HOXB3: variants seen among roughly 807,000 people sequenced by gnomAD.
HOXB3 encodes the protein homeobox B3.
Under a neutral mutation model 29.2 loss-of-function variants are expected in HOXB3, and 17 were observed. The ratio of observed to expected loss-of-function variants is 0.58; its 90% CI spans 0.40 to 0.87. The LOEUF (loss-of-function observed/expected upper bound fraction) is 0.87, where lower values mean the gene tolerates loss of function less well. Ranked by LOEUF, HOXB3 falls within the 40% of genes least tolerant of loss-of-function variation. HOXB3 has a pLI of 0.00. For missense variants in HOXB3, 637 were observed against 616.3 expected, an observed-to-expected ratio of 1.03 and a Z score of -0.35; for synonymous variants, 317 against 285.9, an observed-to-expected ratio of 1.11 and a Z score of -1.10.
At chr17:48,576,650 T>TGCCCCCCCCCCCA in intron 1 of HOXB3, 28 of 567,760 alleles carry the variant, frequency 4.9e-5, no homozygotes, top group Middle Eastern at 6.4e-4. Context: ...CCCCCTCCTG[T>TGCCCCCCCCCCCA]CCCCCCACCC....
rs768231737 is a variant in HOXB3, at chr17:48,552,052, C to T, written c.423G>A (p.Lys141=). The T allele has an allele frequency of 6.3e-6, 10 of 1,588,478 alleles. No individual in the cohort carries two copies. The highest frequency in any genetic ancestry group is 1.3e-5 in the African/African-American group (1 of 74,428). The change falls in exon 4 of 5, where the codon AAG becomes AAA. Residue 141 remains lysine, a synonymous_variant. Transcript: ENST00000498678. ...PWMKESRQTS[K]LKNNSPGTAE... is the part of the protein sequence containing the mutation. ...CTGTGCCGGGGGAGTTGTTTTTCAG[C>T]TTGGACGTTTGCCTCGACTCTTTCA...
intron 1 of HOXB3, among the ~76,000 whole-genome samples, chr17:48,585,619 G>C (rs1339327176): frequency 1.3e-5 from 2 of 152,146 alleles, no homozygotes; most frequent in Non-Finnish European, 2.9e-5. Context: ...GTGCGCTTTC[G>C]GTTTCCCTTC....
chr17:48,580,215 C>G (rs1359924027), intron 1 of HOXB3: 1 of 265,068 alleles, frequency 3.8e-6, no homozygotes, highest in East Asian at 1.7e-4. Context: ...GAGATGTAAA[C>G]ATTAGCTAAG....
intron 1 of HOXB3, among the ~76,000 whole-genome samples, chr17:48,585,861 A>C (rs2070036877): frequency 6.6e-6 from 1 of 152,156 alleles, no homozygotes; most frequent in East Asian, 1.9e-4. Context: ...CTTCTCCCCT[A>C]GGTGTGCCTT....
chr17:48,577,810 C>T (rs2069814945), intron 1 of HOXB3: 2 of 1,358,628 alleles, frequency 1.5e-6, no homozygotes, highest in African/African-American at 1.5e-5. Context: ...TCCGAAGTCC[C>T]TTTGGTGTAA....
At chr17:48,574,046 G>A (rs775602176) in intron 1 of HOXB3, 32 bp from the exon 2 acceptor site, 2 of 591,520 alleles carry the variant, frequency 3.4e-6, no homozygotes, top group African/African-American at 1.9e-5. Flanking sequence ...GAGAGGATAC[G>A]TATTTAAAGA....
chr17:48,579,802 A>G (rs1347665316), intron 1 of HOXB3: 1 of 416,814 alleles, frequency 2.4e-6, no homozygotes, highest in Non-Finnish European at 4.8e-6. Flanking sequence ...AATACTACAT[A>G]TACATATATA....
intron 2 of HOXB3, among the ~76,000 whole-genome samples, chr17:48,562,891 C>T (rs905874351): frequency 2.6e-5 from 4 of 152,192 alleles, no homozygotes; most frequent in Non-Finnish European, 5.9e-5. Context: ...ATGTTTTTCT[C>T]CCCACCGCCA....
intron 2 of HOXB3, among the ~76,000 whole-genome samples, chr17:48,569,220 G>C (rs1035563048): frequency 3.3e-5 from 5 of 152,060 alleles, no homozygotes; most frequent in African/African-American, 1.2e-4. Context: ...GTGACCGGGA[G>C]GGGGAAGGGG....
chr17:48,555,714 G>A, intron 2 of HOXB3, 96 bp from the exon 3 acceptor site: 1 of 612,728 alleles, frequency 1.6e-6, no homozygotes. Context: ...TGGGGAGCCC[G>A]AGGGGCAGAC....
chr17:48,550,402 G>A lies in HOXB3; in HGVS notation c.1228C>T (p.Leu410Phe), dbSNP rs779745643. The change falls in exon 5 of 5, where the codon CTC (leucine) becomes TTC (phenylalanine). Residue 410 changes from leucine (L) to phenylalanine (F), a missense_variant. Leu to Phe is a conservative substitution (Grantham distance 22). Coordinates refer to ENST00000498678, the MANE Select transcript of HOXB3 (RefSeq NM_001384749.1). ...GGAGGAGGCGCGTGGTGAGAGGAGA[G>A]GTCTGTGTAGGTGGGGTGGGGTTCG... ...PCEPHPTYTDLSSHHAPPPQG... is the reference protein window; with the variant it reads ...PCEPHPTYTDFSSHHAPPPQG... 6 of 1,614,110 alleles carry A rather than the reference G, an allele frequency of 3.7e-6. No individual in the cohort carries two copies. The Admixed American group carries it at 5.0e-5, about 13-fold the overall frequency.
chr17:48,587,782 GAAACA>G (rs912658592), intron 1 of HOXB3, among the ~76,000 whole-genome samples: 1 of 152,114 alleles, frequency 6.6e-6, no homozygotes, highest in Non-Finnish European at 1.5e-5. Flanking sequence ...TGGCCTCAGA[GAAACA>G]AAACAAAACA....
chr17:48,585,218 C>G lies in HOXB3; in HGVS notation c.-425+4907G>C, dbSNP rs149607775. Among the ~76,000 whole-genome samples, 173 of 152,312 alleles carry G rather than the reference C, an allele frequency of 1.1e-3. 2 individuals carry two copies. Among genetic ancestry groups the G allele is most frequent in the African/African-American group, 3.6e-3 (150 of 41,554 alleles). On this transcript the variant is annotated intron_variant, in intron 1 of 4. Transcript: ENST00000498678. ...ACCCACCTCCCGCATTTTCAGCGGT[C>G]TCTTCTATTGGGATGCCTGGAAGGG... is the stretch of plus-strand genomic sequence containing the variant.
At chr17:48,578,108 G>T in intron 1 of HOXB3, 2 of 1,262,968 alleles carry the variant, frequency 1.6e-6, no homozygotes, top group African/African-American at 3.1e-5. Flanking sequence ...CGGGGGCCCA[G>T]GGTCCCGGCA....
rs1331284090 is a variant in HOXB3, at chr17:48,554,758, G to C, written c.-159+773C>G. On this transcript the variant is annotated intron_variant, in intron 3 of 4. Transcript: ENST00000498678. The surrounding 1 kb of genome is among the most constrained non-coding windows in gnomAD (Gnocchi z 4.1). ...GGGCGGCAGCAAGTTTTGGGAGCTG[G>C]AGGTAACCGAATTAAAAGGCGCCTT... 1 of 702,386 alleles carries C rather than the reference G, an allele frequency of 1.4e-6. No individual in the cohort carries two copies. Among genetic ancestry groups the C allele is most frequent in the Admixed American group, 2.0e-5 (1 of 50,012 alleles). 43.5% of individuals were successfully genotyped at this position (702,386 alleles called of 1,614,324 possible). A position where few individuals can be genotyped will look rare whatever the true frequency, so the allele number is the denominator to read the frequency against.
At chr17:48,572,425 G>A (rs1368659647) in intron 2 of HOXB3, among the ~76,000 whole-genome samples, 1 of 152,202 alleles carries the variant, frequency 6.6e-6, no homozygotes, top group Non-Finnish European at 1.5e-5. Context: ...AATGTTCAGG[G>A]CGGATAAGCC....
intron 1 of HOXB3, chr17:48,575,711 G>A (rs927148953): frequency 6.9e-6 from 1 of 145,628 alleles, no homozygotes; most frequent in Non-Finnish European, 1.5e-5. Flanking sequence ...AATAATAAAC[G>A]ATGCAACATA....
chr17:48,552,763 C>G (rs2068815084), intron 3 of HOXB3, 131 bp from the exon 4 acceptor site: 1 of 377,700 alleles, frequency 2.6e-6, no homozygotes, highest in Admixed American at 4.1e-5. Flanking sequence ...AAAGCAGATG[C>G]TGAGAAAAAA....
rs894328990 is a variant in HOXB3, at chr17:48,559,787, G to C, written c.-246-4169C>G. On this transcript the variant is annotated intron_variant, in intron 2 of 4. Transcript: ENST00000498678. Reference sequence around the variant, plus strand: ...TCAAAAGAAGAAAAAGGTCGCTGCAGTGGAAGAAGAAAAATCCAAGCTGTA... The same window carrying C: ...TCAAAAGAAGAAAAAGGTCGCTGCACTGGAAGAAGAAAAATCCAAGCTGTA... 7.2e-5 allele frequency: 11 copies of C among 152,310 alleles called. 1 individual carries two copies. The highest frequency in any genetic ancestry group is 2.4e-4 in the African/African-American group (10 of 41,474). The allele number at this position is 152,310 out of a possible 1,614,324, so 9.4% of individuals were successfully genotyped here. A position where few individuals can be genotyped will look rare whatever the true frequency, so the allele number is the denominator to read the frequency against.
Sources: allele counts gnomAD v4.1 joint callset (sites outside exome capture counted in the v4.1 genomes callset), GRCh38; gene constraint gnomAD v4.1.1; non-coding constraint Gnocchi (gnomAD v3.1); transcripts MANE v1.5; gene names NCBI Gene and HGNC (gene_info 2026-07-23, HGNC 2026-07-21).